Variants in MAD1L1 observed in about 807,000 individuals in gnomAD.
The protein encoded by MAD1L1 is mitotic arrest deficient 1 like 1, also known as mitotic spindle assembly checkpoint protein MAD1.
Under a neutral mutation model 96.9 loss-of-function variants are expected in MAD1L1, and 95 were observed. That is an observed-to-expected ratio of 0.98 (90% CI 0.83 to 1.16). MAD1L1 has a LOEUF of 1.16. Among genes scored for constraint, MAD1L1 ranks in the 50% most tolerant of loss-of-function variants. MAD1L1 has a pLI of 0.00. For missense variants in MAD1L1, 1,007 were observed against 954.4 expected (o/e 1.06, Z -0.73); for synonymous variants, 473 against 396.6 (o/e 1.19, Z -2.29).
intron 11 of MAD1L1, among the ~76,000 whole-genome samples, chr7:2,133,396 T>A (rs1788608210): frequency 6.6e-6 from 1 of 152,280 alleles, no homozygotes; most frequent in Admixed American, 6.5e-5. Context: ...TTGGGTGGTC[T>A]GTTTCCTTAC....
At chr7:2,003,969 C>T (rs1406733076) in intron 13 of MAD1L1, among the ~76,000 whole-genome samples, 2 of 152,208 alleles carry the variant, frequency 1.3e-5, no homozygotes, top group Non-Finnish European at 2.9e-5. Flanking sequence ...ATCCCCCAAA[C>T]TGGGCCTAGA....
chr7:1,912,067 G>A (rs1218523985), intron 17 of MAD1L1, among the ~76,000 whole-genome samples: 1 of 152,254 alleles, frequency 6.6e-6, no homozygotes, highest in Non-Finnish European at 1.5e-5. Context: ...CCAGAAGTCT[G>A]CAGGAGTACA....
chr7:1,954,175 A>G (rs1562558323), intron 16 of MAD1L1, among the ~76,000 whole-genome samples: 1 of 152,204 alleles, frequency 6.6e-6, no homozygotes, highest in Non-Finnish European at 1.5e-5. Context: ...CGGTATTATG[A>G]CAGACAACAG....
At chr7:2,210,513 C>T (rs896041640) in intron 10 of MAD1L1, among the ~76,000 whole-genome samples, 3 of 128,846 alleles carry the variant, frequency 2.3e-5, no homozygotes, top group Admixed American at 7.9e-5. Context: ...GAGCCGTATT[C>T]GGGACCGCCA....
At chr7:2,181,722 C>G (rs1036552814) in intron 10 of MAD1L1, among the ~76,000 whole-genome samples, 2 of 152,154 alleles carry the variant, frequency 1.3e-5, no homozygotes, top group Admixed American at 1.3e-4. Flanking sequence ...CACGTGCACA[C>G]GCATGTTCAC....
chr7:2,164,803 C>G (rs761216843), intron 10 of MAD1L1, among the ~76,000 whole-genome samples: 21 of 152,172 alleles, frequency 1.4e-4, no homozygotes, highest in Non-Finnish European at 2.1e-4. Flanking sequence ...GACAAACAGA[C>G]AGAGTCCTTG....
At chr7:1,822,574 C>T (rs775446534) in intron 18 of MAD1L1, among the ~76,000 whole-genome samples, 2 of 151,478 alleles carry the variant, frequency 1.3e-5, no homozygotes, top group African/African-American at 2.4e-5. Flanking sequence ...ACTACAGGTG[C>T]GCACCACCAC....
chr7:2,189,800 T>C (rs1004565856), intron 10 of MAD1L1, among the ~76,000 whole-genome samples: 1 of 152,230 alleles, frequency 6.6e-6, no homozygotes, highest in South Asian at 2.1e-4. Context: ...TTTTATTGTA[T>C]ATGTATTTGA....
At chr7:1,930,657 G>A (rs1297648542) in intron 17 of MAD1L1, among the ~76,000 whole-genome samples, 12 of 150,010 alleles carry the variant, frequency 8.0e-5, no homozygotes. Context: ...GTTCCTTGGG[G>A]GCCCTGATTC....
chr7:2,031,734 C>A (rs4719400), intron 12 of MAD1L1, among the ~76,000 whole-genome samples: 28,956 of 152,112 alleles, frequency 0.19, 5,412 homozygotes, highest in African/African-American at 0.48. Flanking sequence ...CGCAAGGTCT[C>A]GCCAGCATGC....
At chr7:1,926,396 C>T (rs564783961) in intron 17 of MAD1L1, among the ~76,000 whole-genome samples, 45 of 152,340 alleles carry the variant, frequency 3.0e-4, no homozygotes, top group African/African-American at 9.9e-4. Context: ...TCATTCATTA[C>T]GTGTATACTA....
At chr7:1,977,685 C>T (rs550319849) in intron 15 of MAD1L1, among the ~76,000 whole-genome samples, 1 of 152,242 alleles carries the variant, frequency 6.6e-6, no homozygotes, top group Non-Finnish European at 1.5e-5. Flanking sequence ...GAATAAACCC[C>T]AAGCATGCCA....
intron 12 of MAD1L1, among the ~76,000 whole-genome samples, chr7:2,032,705 T>C (rs1052643066): frequency 6.6e-6 from 1 of 152,192 alleles, no homozygotes; most frequent in African/African-American, 2.4e-5. Context: ...GCTTCTGGCA[T>C]TTTGAATTCG....
intron 17 of MAD1L1, among the ~76,000 whole-genome samples, chr7:1,922,743 G>A (rs1788869379): frequency 6.6e-6 from 1 of 152,234 alleles, no homozygotes; most frequent in African/African-American, 2.4e-5. Context: ...CAGGTCTGCG[G>A]TGAGCTGCAC....
At position 2,225,480 on chromosome 7, in the gene MAD1L1, A is replaced by G; in HGVS notation, c.221T>C (p.Met74Thr). 6.2e-7 allele frequency: 1 copy of G among 1,614,160 alleles called. No homozygotes were observed. The highest frequency in any genetic ancestry group is 8.5e-7 in the Non-Finnish European group (1 of 1,180,032). ...LIQVEREKMQMELSHKRARVE... is the reference protein window; with the variant it reads ...LIQVEREKMQTELSHKRARVE... ...TCGAGCCCTCTTGTGACTCAGCTCCATCTGCATTTTCTCCCGCTCCACCTG... is the reference window on the plus strand; with the variant it reads ...TCGAGCCCTCTTGTGACTCAGCTCCGTCTGCATTTTCTCCCGCTCCACCTG... Residue 74 changes from methionine to threonine, a missense_variant, in exon 4 of 19, where the codon ATG becomes ACG. By Grantham distance (81) the Met-to-Thr change is moderately conservative. Coordinates refer to ENST00000265854, the MANE Select transcript of MAD1L1 (RefSeq NM_001013836.2).
In MAD1L1 at chr7:2,043,642, G is replaced by T. The variant is rs140334428; in HGVS notation, c.1218+25552C>A. On this transcript the variant is annotated intron_variant, in intron 12 of 18. Transcript: ENST00000265854. ...CAGAGTGGAGGCACGCGGAGGGCCT[G>T]GGGGGGCTGGGGATCCAGACTGGCT... Among the ~76,000 whole-genome samples, 11 of 152,240 alleles carry T rather than the reference G, an allele frequency of 7.2e-5. No homozygotes were observed. In the East Asian group the frequency reaches 1.7e-3, roughly 24 times the overall value.
chr7:2,065,297 C>A (rs1460981310), intron 12 of MAD1L1, among the ~76,000 whole-genome samples: 1 of 152,210 alleles, frequency 6.6e-6, no homozygotes, highest in Non-Finnish European at 1.5e-5. Flanking sequence ...CAGACACCAG[C>A]TCTCCACACT....
At chr7:1,923,532 C>T (rs543527748) in intron 17 of MAD1L1, among the ~76,000 whole-genome samples, 11 of 152,392 alleles carry the variant, frequency 7.2e-5, no homozygotes, top group African/African-American at 1.4e-4. Context: ...GGCAATCCTG[C>T]GGAGGTACAG....
chr7:1,887,611 C>T (rs1177903063), intron 18 of MAD1L1, among the ~76,000 whole-genome samples: 1 of 144,494 alleles, frequency 6.9e-6, no homozygotes, highest in Non-Finnish European at 1.5e-5. Flanking sequence ...GTGTATGTGG[C>T]TGCCTGTGCA....
Sources: gnomAD v4.1 joint callset for allele counts (sites outside exome capture counted in the v4.1 genomes callset) on GRCh38, gnomAD v4.1.1 for gene constraint, MANE v1.5 for transcripts, NCBI Gene and HGNC (gene_info 2026-07-23, HGNC 2026-07-21) for gene names.